Variants in CDKAL1 observed in about 807,000 individuals in gnomAD.
The protein encoded by CDKAL1 is CDKAL1 threonylcarbamoyladenosine tRNA methylthiotransferase, also known as threonylcarbamoyladenosine tRNA methylthiotransferase.
A neutral mutation model predicts 68.2 loss-of-function variants in CDKAL1; 32 were observed. That is an observed-to-expected ratio of 0.47 (90% CI 0.35 to 0.63). CDKAL1 has a LOEUF of 0.63. CDKAL1 is among the 30% of genes least tolerant of loss of function. The pLI is 0.00. For synonymous variants in CDKAL1, 234 were observed against 244.3 expected (o/e 0.96, Z 0.39); for missense variants, 606 against 696.7 (o/e 0.87, Z 1.47).
chr6:20,948,316 C>T (rs948144684), intron 9 of CDKAL1, among the ~76,000 whole-genome samples: 3 of 152,058 alleles, frequency 2.0e-5, no homozygotes, highest in African/African-American at 7.2e-5. Context: ...CTATGCCTGG[C>T]CCAAAGGGAA....
chr6:20,798,654 A>G (rs4712549), intron 8 of CDKAL1, among the ~76,000 whole-genome samples: 61,467 of 151,322 alleles, frequency 0.41, 12,711 homozygotes, highest in East Asian at 0.53. Context: ...TGAGCAAACT[A>G]TCACAAGGAC....
chr6:21,064,699 G>A (rs1373888492), intron 11 of CDKAL1, among the ~76,000 whole-genome samples: 1 of 152,152 alleles, frequency 6.6e-6, no homozygotes, highest in Non-Finnish European at 1.5e-5. Context: ...GGTAAGGATA[G>A]AGTAGTTCAA....
At chr6:20,637,550 G>A (rs1216175086) in intron 4 of CDKAL1, among the ~76,000 whole-genome samples, 2 of 152,124 alleles carry the variant, frequency 1.3e-5, no homozygotes, top group African/African-American at 2.4e-5. Flanking sequence ...GCAACAGAGC[G>A]AAACTCTGTC....
chr6:21,133,815 A>G (rs188297550), intron 13 of CDKAL1, among the ~76,000 whole-genome samples: 1 of 152,316 alleles, frequency 6.6e-6, no homozygotes, highest in East Asian at 1.9e-4. Flanking sequence ...ACATTTGTTT[A>G]TGAAGATTGA....
intron 7 of CDKAL1, among the ~76,000 whole-genome samples, chr6:20,772,661 A>G (rs1009756381): frequency 3.9e-5 from 6 of 152,196 alleles, no homozygotes; most frequent in Non-Finnish European, 5.9e-5. Flanking sequence ...TTGCCTAAGA[A>G]CATTCCATTC....
intron 12 of CDKAL1, among the ~76,000 whole-genome samples, chr6:21,093,694 CTTTTTTTTTTTT>C (rs547923386): frequency 0.046 from 4,033 of 88,140 alleles, 275 homozygotes; most frequent in African/African-American, 0.17. Flanking sequence ...GCTGCTGCTG[CTTTTTTTTTTTT>C]TTTTTTTTTT....
At chr6:20,800,723 A>G (rs1305702726) in intron 8 of CDKAL1, 2 of 152,454 alleles carry the variant, frequency 1.3e-5, no homozygotes, top group East Asian at 3.9e-4. Context: ...CCCATGCTCA[A>G]ATAATCCTCC....
At chr6:21,180,343 TC>T (rs1025404039) in intron 13 of CDKAL1, among the ~76,000 whole-genome samples, 3 of 123,322 alleles carry the variant, frequency 2.4e-5, no homozygotes, top group Non-Finnish European at 5.2e-5. Flanking sequence ...CCTTTAAGTT[TC>T]TTTTTTTTTT....
chr6:20,897,670 A>G (rs1358298828), intron 9 of CDKAL1, among the ~76,000 whole-genome samples: 1 of 152,186 alleles, frequency 6.6e-6, no homozygotes, highest in Non-Finnish European at 1.5e-5. Context: ...TATAGGAAAA[A>G]GTCTTCGTGT....
chr6:20,664,568 A>G (rs1162636191), intron 5 of CDKAL1, among the ~76,000 whole-genome samples: 1 of 152,174 alleles, frequency 6.6e-6, no homozygotes, highest in African/African-American at 2.4e-5. Flanking sequence ...GGTTTGAGTC[A>G]ACATATTTTG....
intron 4 of CDKAL1, among the ~76,000 whole-genome samples, chr6:20,616,346 C>T (rs1170197521): frequency 6.8e-6 from 1 of 147,792 alleles, no homozygotes; most frequent in Non-Finnish European, 1.5e-5. Context: ...ATGGGGATGG[C>T]ATTGAATCTG....
chr6:21,002,562 T>C (rs961505883), intron 11 of CDKAL1, among the ~76,000 whole-genome samples: 5 of 151,382 alleles, frequency 3.3e-5, no homozygotes, highest in Admixed American at 3.3e-4. Flanking sequence ...ATTTAGATTA[T>C]AAGTAAGATA....
At chr6:20,763,068 A>G (rs1441021434) in intron 7 of CDKAL1, among the ~76,000 whole-genome samples, 3 of 152,150 alleles carry the variant, frequency 2.0e-5, no homozygotes, top group Non-Finnish European at 2.9e-5. Context: ...TTCCACATCT[A>G]TTCTCCATCT....
At chr6:20,748,554 GGAAAAAAAAAAAAAAAAAAAAAAAAA>G (rs1388724770) in intron 6 of CDKAL1, among the ~76,000 whole-genome samples, 39 of 77,090 alleles carry the variant, frequency 5.1e-4, no homozygotes, top group African/African-American at 9.0e-4. Context: ...CTCTGTTTCT[GGAAAAAAAAAAAAAAAAAAAAAAAAA>G]AAAAAAAAAA....
chr6:20,950,359 G>A (rs1764462061), intron 9 of CDKAL1, among the ~76,000 whole-genome samples: 1 of 151,930 alleles, frequency 6.6e-6, no homozygotes, highest in African/African-American at 2.4e-5. Flanking sequence ...CCCGACCTCA[G>A]GTGATCCGCC....
intron 13 of CDKAL1, among the ~76,000 whole-genome samples, chr6:21,134,789 A>T (rs1414736078): frequency 6.6e-6 from 1 of 152,140 alleles, no homozygotes; most frequent in East Asian, 1.9e-4. Context: ...CTGACATCTT[A>T]AGAGTTTCAA....
At chr6:21,017,608 C>T (rs1031617843) in intron 11 of CDKAL1, among the ~76,000 whole-genome samples, 4 of 152,132 alleles carry the variant, frequency 2.6e-5, no homozygotes, top group Admixed American at 6.5e-5. Flanking sequence ...GCAAAATAAC[C>T]GTATTCTGTA....
At chr6:20,552,496 A>G (rs773636125) in intron 4 of CDKAL1, among the ~76,000 whole-genome samples, 1 of 152,306 alleles carries the variant, frequency 6.6e-6, no homozygotes. Flanking sequence ...ACTTGTCTGT[A>G]TAAAATAACA....
intron 9 of CDKAL1, among the ~76,000 whole-genome samples, chr6:20,938,291 T>C (rs1763816495): frequency 6.6e-6 from 1 of 152,186 alleles, no homozygotes; most frequent in South Asian, 2.1e-4. Context: ...AGAAAGTGTT[T>C]TAGGCTTACT....
Sources: allele counts gnomAD v4.1 joint callset (sites outside exome capture counted in the v4.1 genomes callset), GRCh38; gene constraint gnomAD v4.1.1; transcripts MANE v1.5; gene names NCBI Gene and HGNC (gene_info 2026-07-23, HGNC 2026-07-21).